The following LCA5 variants were observed in gnomAD, a reference collection of about 807,000 sequenced individuals.
LCA5 encodes lebercilin.
In LCA5, 37 loss-of-function variants were observed where a neutral mutation model predicts 53.0. That is an observed-to-expected ratio of 0.70 (90% CI 0.54 to 0.92). The LOEUF (loss-of-function observed/expected upper bound fraction) is 0.92. Ranked by LOEUF, LCA5 falls within the 40% of genes least tolerant of loss-of-function variation. LCA5 has a pLI of 0.00. For missense variants in LCA5, 806 were observed against 790.5 expected (o/e 1.02, Z -0.23); for synonymous variants, 303 against 282.9 (o/e 1.07, Z -0.71).
intron 7 of LCA5, 100 bp downstream of exon 7, chr6:79,488,984 A>G (rs1411754752): frequency 7.4e-7 from 1 of 1,347,466 alleles, no homozygotes; most frequent in Non-Finnish European, 1.1e-6. Flanking sequence ...GTTCTACCTA[A>G]GCAATTCACA....
intron 3 of LCA5, among the ~76,000 whole-genome samples, chr6:79,501,797 AAT>A (rs751700180): frequency 6.6e-6 from 1 of 150,970 alleles, no homozygotes; most frequent in Non-Finnish European, 1.5e-5. Context: ...CTCTCTATAT[AAT>A]ATATAGAGTT....
Position 79,513,539 on chromosome 6 carries a change from T to G in LCA5, c.393A>C (p.Lys131Asn). The G allele has an allele frequency of 6.2e-7, 1 of 1,613,934 alleles. No individual in the cohort carries two copies. Among genetic ancestry groups the G allele is most frequent in the East Asian group, 2.2e-5 (1 of 44,882 alleles). The change falls in exon 3 of 8, where the codon AAA (lysine) becomes AAC (asparagine). Residue 131 changes from lysine to asparagine, a missense_variant. Lys to Asn is a moderately conservative substitution (Grantham distance 94, BLOSUM62 0). Transcript: ENST00000369846. ...GAAGCCTTTTCAAAGATTTATTTTC[T>G]TTTAGCAGCTCAGCTAACTTGACCT... ...ELQVKLAELL[K>N]ENKSLKRLQY...
chr6:79,523,133 A>G (rs1238345717), intron 1 of LCA5, among the ~76,000 whole-genome samples: 1 of 152,172 alleles, frequency 6.6e-6, no homozygotes, highest in African/African-American at 2.4e-5. Context: ...TTTAGAAGAA[A>G]TATTTTAAAA....
chr6:79,500,808 A>G (rs1770116908), intron 3 of LCA5, among the ~76,000 whole-genome samples: 1 of 151,374 alleles, frequency 6.6e-6, no homozygotes, highest in Non-Finnish European at 1.5e-5. Context: ...ACAGCCCTTT[A>G]AACAATGAAG....
At chr6:79,516,425 C>T (rs1197930475) in intron 2 of LCA5, among the ~76,000 whole-genome samples, 1 of 151,732 alleles carries the variant, frequency 6.6e-6, no homozygotes, top group East Asian at 1.9e-4. Flanking sequence ...TTATACCGCT[C>T]ATAAAACTTC....
At chr6:79,521,064 TG>T (rs1299787726) in intron 1 of LCA5, among the ~76,000 whole-genome samples, 1 of 152,196 alleles carries the variant, frequency 6.6e-6, no homozygotes, top group Non-Finnish European at 1.5e-5. Context: ...ATGTTGCTGG[TG>T]TAACTGAAGA....
At chr6:79,538,071 A>G (rs1767213293), upstream of LCA5, among the ~76,000 whole-genome samples, 2 of 102,114 alleles carry the variant, frequency 2.0e-5, no homozygotes, top group African/African-American at 3.8e-5. Flanking sequence ...CGTTTTGAGG[A>G]GCATGTCAGC....
intron 1 of LCA5, 66 bp downstream of exon 1, chr6:79,537,099 C>T (rs535670682): frequency 6.5e-6 from 1 of 153,778 alleles, no homozygotes; most frequent in Admixed American, 6.5e-5. Context: ...CTACCAGACG[C>T]TTCAACCCAG....
At position 79,518,882 on chromosome 6, in the gene LCA5, C is replaced by A. The variant is rs1472592808; in HGVS notation, c.13G>T (p.Ala5Ser). The A allele has an allele frequency of 1.9e-6, 3 of 1,614,026 alleles. No homozygotes were observed. The highest frequency in any genetic ancestry group is 2.5e-6 in the Non-Finnish European group (3 of 1,179,992). MGER[A>S]GSPGTDQERK... ...TCTTGATCAGTACCTGGACTTCCTG[C>A]TCTTTCCCCCATTGTTTTGAAAAAT... Residue 5 changes from alanine (A) to serine (S), a missense_variant, in exon 2 of 8, where the codon GCA becomes TCA. Physicochemically the swap from Ala to Ser is moderately conservative, Grantham distance 99 (BLOSUM62 1). Transcript: ENST00000369846.
At chr6:79,509,079 C>A (rs1469296670) in intron 3 of LCA5, among the ~76,000 whole-genome samples, 1 of 152,132 alleles carries the variant, frequency 6.6e-6, no homozygotes, top group Non-Finnish European at 1.5e-5. Flanking sequence ...GTGGGCTGCG[C>A]TGGCTACACT....
Position 79,492,513 on chromosome 6 carries a change from C to A in LCA5, c.955+38G>T, listed in dbSNP as rs572393764. 6.1e-3 allele frequency: 5,836 copies of A among 950,852 alleles called. 18 individuals carry two copies. Among genetic ancestry groups the A allele is most frequent in the Non-Finnish European group, 7.9e-3 (4,752 of 603,356 alleles). The allele number at this position is 950,852 out of a possible 1,614,324, so 58.9% of individuals were successfully genotyped here. On this transcript the variant is annotated intron_variant, in intron 5 of 7. Coordinates refer to ENST00000369846, the MANE Select transcript of LCA5 (RefSeq NM_001122769.3). ...TTATTGTACTATCACTAAATAATAGCAATAATATCAGTTTTTGAACAATCA... is the reference window on the plus strand; with the variant it reads ...TTATTGTACTATCACTAAATAATAGAAATAATATCAGTTTTTGAACAATCA...
At chr6:79,522,403 A>G (rs1766650331) in intron 1 of LCA5, among the ~76,000 whole-genome samples, 1 of 152,106 alleles carries the variant, frequency 6.6e-6, no homozygotes, top group Non-Finnish European at 1.5e-5. Context: ...CACAAAAATT[A>G]AATCTGAATC....
intron 3 of LCA5, among the ~76,000 whole-genome samples, chr6:79,511,040 C>T (rs1770397269): frequency 6.7e-6 from 1 of 149,746 alleles, no homozygotes; most frequent in South Asian, 2.1e-4. Flanking sequence ...GAAAAAACAA[C>T]AACAAAGAAA....
At position 79,513,528 on chromosome 6, in the gene LCA5, G is replaced by A. The variant is rs1490911703; in HGVS notation, c.404C>T (p.Ser135Phe). The change falls in exon 3 of 8, where the codon TCT (serine) becomes TTT (phenylalanine). Residue 135 changes from serine (S) to phenylalanine (F), a missense_variant. Ser to Phe is a radical substitution (Grantham distance 155). Transcript: ENST00000369846. ...CTGTCTGTACTGAAGCCTTTTCAAA[G>A]ATTTATTTTCTTTTAGCAGCTCAGC... ...KLAELLKENK[S>F]LKRLQYRQEK... 6.2e-7 allele frequency: 1 copy of A among 1,613,712 alleles called. No homozygotes were observed. The highest frequency in any genetic ancestry group is 2.2e-5 in the East Asian group (1 of 44,884).
In LCA5 at chr6:79,494,102, A is replaced by T. The variant is rs558119470; in HGVS notation, c.721-352T>A. Reference sequence around the variant, plus strand: ...CCCATCTCTATAAAATAAGAGTTTAAAAACTAGCTGGGCATGGTGGTGCAT... The same window carrying T: ...CCCATCTCTATAAAATAAGAGTTTATAAACTAGCTGGGCATGGTGGTGCAT... On this transcript the variant is annotated intron_variant, in intron 3 of 7. Coordinates refer to ENST00000369846, the MANE Select transcript of LCA5 (RefSeq NM_001122769.3). Among the ~76,000 whole-genome samples the T allele has an allele frequency of 2.9e-4, 44 of 152,238 alleles. 1 individual carries two copies. In the South Asian group the frequency reaches 6.4e-3, roughly 22 times the overall value.
chr6:79,486,834 T>C lies in LCA5; in HGVS notation c.*170A>G. On this transcript the variant is annotated 3_prime_UTR_variant, in exon 8 of 8. Coordinates refer to ENST00000369846, the MANE Select transcript of LCA5 (RefSeq NM_001122769.3). The stretch of plus-strand genomic sequence containing the variant: ...AGCCTCCTTCATTCTTGGCAAACTA[T>C]CTATGTGGTGTATGTATGATCTACT... 1.8e-6 allele frequency: 1 copy of C among 563,044 alleles called. No homozygotes were observed. Among genetic ancestry groups the C allele is most frequent in the South Asian group, 2.9e-5 (1 of 34,836 alleles). The allele number at this position is 563,044 out of a possible 1,614,324, so 34.9% of individuals were successfully genotyped here.
chr6:79,537,486 T>C (rs1258988312), upstream of LCA5: 1 of 152,280 alleles, frequency 6.6e-6, no homozygotes, highest in Non-Finnish European at 1.5e-5. Flanking sequence ...TCCCATTGGC[T>C]TCTGTCTCCA....
intron 1 of LCA5, among the ~76,000 whole-genome samples, chr6:79,529,999 T>A (rs1207896650): frequency 6.6e-6 from 1 of 151,012 alleles, no homozygotes; most frequent in Non-Finnish European, 1.5e-5. Context: ...GAGATATACC[T>A]AATGTAAATG....
chr6:79,519,403 G>GT, intron 1 of LCA5, among the ~76,000 whole-genome samples: 1 of 152,240 alleles, frequency 6.6e-6, no homozygotes, highest in Non-Finnish European at 1.5e-5. Flanking sequence ...CAAATCACCA[G>GT]TTTTTTCTTT....
Sources: allele counts gnomAD v4.1 joint callset (sites outside exome capture counted in the v4.1 genomes callset), GRCh38; gene constraint gnomAD v4.1.1; transcripts MANE v1.5; gene names NCBI Gene and HGNC (gene_info 2026-07-23, HGNC 2026-07-21).